ARHGAP24: variants seen among roughly 807,000 people sequenced by gnomAD.
ARHGAP24 encodes the protein Rho GTPase activating protein 24, also known as rho GTPase-activating protein 24.
A neutral mutation model predicts 76.4 loss-of-function variants in ARHGAP24; 50 were observed. The observed-to-expected ratio is 0.65, with a 90% CI of 0.52 to 0.83. The LOEUF (loss-of-function observed/expected upper bound fraction) is 0.83. Among genes scored for constraint, ARHGAP24 ranks in the 40% least tolerant of loss-of-function variants. The pLI, the probability that ARHGAP24 is intolerant of heterozygous loss-of-function variation, is 0.00. For missense variants in ARHGAP24, 930 were observed against 914.2 expected (o/e 1.02, Z -0.22); for synonymous variants, 345 against 323.3 (o/e 1.07, Z -0.72).
At chr4:85,521,239 C>T (rs556758553) in intron 1 of ARHGAP24, among the ~76,000 whole-genome samples, 99 of 152,136 alleles carry the variant, frequency 6.5e-4, no homozygotes, top group African/African-American at 2.3e-3. Flanking sequence ...GCTATTATTC[C>T]ATTTTCTGGG....
chr4:85,607,894 A>T (rs1017463732), intron 2 of ARHGAP24, among the ~76,000 whole-genome samples: 2 of 151,710 alleles, frequency 1.3e-5, no homozygotes, highest in Non-Finnish European at 2.9e-5. Context: ...AAAGTGCATG[A>T]TGCCTGGTGC....
chr4:85,477,796 G>A (rs897869197), intron 1 of ARHGAP24, among the ~76,000 whole-genome samples: 2 of 152,188 alleles, frequency 1.3e-5, no homozygotes, highest in Admixed American at 6.5e-5. Flanking sequence ...GTCTGGGTTG[G>A]TTTCTCAGGG....
At chr4:85,692,350 A>T (rs973498072) in intron 2 of ARHGAP24, among the ~76,000 whole-genome samples, 7 of 151,936 alleles carry the variant, frequency 4.6e-5, no homozygotes, top group African/African-American at 1.7e-4. Context: ...GGTTTTCTGT[A>T]TTTCTTGAAT....
intron 3 of ARHGAP24, among the ~76,000 whole-genome samples, chr4:85,833,114 T>A (rs914926711): frequency 3.9e-5 from 6 of 152,218 alleles, no homozygotes; most frequent in Non-Finnish European, 2.9e-5. Flanking sequence ...TAGACTGATT[T>A]CTTGTTCTTA....
chr4:85,873,383 T>A (rs1282579299), intron 3 of ARHGAP24, among the ~76,000 whole-genome samples: 1 of 152,212 alleles, frequency 6.6e-6, no homozygotes, highest in African/African-American at 2.4e-5. Context: ...TTCTCCCTAT[T>A]TCCTTTCCAA....
At chr4:85,914,603 A>C (rs6811531) in intron 3 of ARHGAP24, among the ~76,000 whole-genome samples, 2 of 152,026 alleles carry the variant, frequency 1.3e-5, no homozygotes, top group Admixed American at 1.3e-4. Context: ...TATGTGAAGA[A>C]TCTTTGGCCC....
intron 5 of ARHGAP24, among the ~76,000 whole-genome samples, chr4:85,946,966 C>G (rs942509441): frequency 1.3e-5 from 2 of 152,096 alleles, no homozygotes; most frequent in African/African-American, 4.8e-5. Flanking sequence ...TAAGTGTTCC[C>G]TTTTCTCCTT....
chr4:85,488,909 T>G (rs1301357340), intron 1 of ARHGAP24, among the ~76,000 whole-genome samples: 1 of 152,220 alleles, frequency 6.6e-6, no homozygotes, highest in Non-Finnish European at 1.5e-5. Flanking sequence ...GAGCTTAGAT[T>G]AACCCTAAAG....
chr4:85,848,024 A>G (rs1388079548), intron 3 of ARHGAP24, among the ~76,000 whole-genome samples: 1 of 152,092 alleles, frequency 6.6e-6, no homozygotes, highest in Non-Finnish European at 1.5e-5. Context: ...TAGTCATCTA[A>G]TCTGTTTTCT....
intron 2 of ARHGAP24, among the ~76,000 whole-genome samples, chr4:85,689,816 T>C (rs1723563048): frequency 6.6e-6 from 1 of 152,198 alleles, no homozygotes; most frequent in African/African-American, 2.4e-5. Context: ...CAAAGAGAGA[T>C]AGTTTGACTT....
At chr4:85,915,577 C>A (rs1028472357) in intron 3 of ARHGAP24, among the ~76,000 whole-genome samples, 2 of 152,012 alleles carry the variant, frequency 1.3e-5, no homozygotes, top group African/African-American at 2.4e-5. Context: ...CCTAGCCCCC[C>A]ACGCCCCAAT....
intron 3 of ARHGAP24, among the ~76,000 whole-genome samples, chr4:85,913,328 A>T (rs1463362454): frequency 2.0e-5 from 3 of 150,098 alleles, no homozygotes; most frequent in Non-Finnish European, 4.4e-5. Context: ...TCCCTAATCC[A>T]GTTACCTACA....
At chr4:85,520,843 T>C (rs1368535066) in intron 1 of ARHGAP24, among the ~76,000 whole-genome samples, 1 of 152,050 alleles carries the variant, frequency 6.6e-6, no homozygotes, top group African/African-American at 2.4e-5. Context: ...ATTTGACCAA[T>C]GAAGATAGAG....
At chr4:85,976,222 T>C (rs1269586089) in intron 7 of ARHGAP24, among the ~76,000 whole-genome samples, 1 of 152,182 alleles carries the variant, frequency 6.6e-6, no homozygotes, top group East Asian at 1.9e-4. Context: ...GAAATGCTAG[T>C]TTGACTTTTT....
Position 85,951,289 on chromosome 4 carries a change from C to T in ARHGAP24, c.599+9016C>T, listed in dbSNP as rs138187077. Among the ~76,000 whole-genome samples, 6 of 151,624 alleles carry T rather than the reference C, an allele frequency of 4.0e-5. No individual in the cohort carries two copies. In the East Asian group the frequency reaches 1.2e-3, roughly 29 times the overall value. On this transcript the variant is annotated intron_variant, in intron 5 of 9. Transcript: ENST00000395184. ...AGGGGAAAGAAAATCCATAATTTCC[C>T]AGAGGATGGTGAGGTTATTTTCAGA...
intron 1 of ARHGAP24, among the ~76,000 whole-genome samples, chr4:85,538,166 G>C (rs1725543864): frequency 6.6e-6 from 1 of 152,058 alleles, no homozygotes. Flanking sequence ...TATGAAGTGA[G>C]ATAAGAAACA....
At chr4:85,804,140 T>C (rs972635615) in intron 3 of ARHGAP24, among the ~76,000 whole-genome samples, 1 of 152,004 alleles carries the variant, frequency 6.6e-6, no homozygotes, top group African/African-American at 2.4e-5. Flanking sequence ...AAATAGCGTT[T>C]TATAGAATGG....
At chr4:85,635,195 G>A (rs1721277761) in intron 2 of ARHGAP24, among the ~76,000 whole-genome samples, 1 of 151,730 alleles carries the variant, frequency 6.6e-6, no homozygotes, top group Non-Finnish European at 1.5e-5. Context: ...CTTTGTTGGG[G>A]AAAATGGAGA....
chr4:85,854,135 C>CAA (rs35799327), intron 3 of ARHGAP24, among the ~76,000 whole-genome samples: 29 of 85,548 alleles, frequency 3.4e-4, no homozygotes, highest in Admixed American at 4.2e-4. Flanking sequence ...GACTCTGTCT[C>CAA]AAAAAAAAAA....
Sources: allele counts gnomAD v4.1 joint callset (sites outside exome capture counted in the v4.1 genomes callset), GRCh38; gene constraint gnomAD v4.1.1; transcripts MANE v1.5; gene names NCBI Gene and HGNC (gene_info 2026-07-23, HGNC 2026-07-21).